Variants in RGS6 observed in about 807,000 individuals in gnomAD.
RGS6 encodes the protein regulator of G-protein signaling 6.
In RGS6, 30 loss-of-function variants were observed where a neutral mutation model predicts 78.5. The observed-to-expected ratio is 0.38, with a 90% CI of 0.29 to 0.52. The LOEUF (loss-of-function observed/expected upper bound fraction) is 0.52. Ranked by LOEUF, RGS6 falls within the 20% of genes least tolerant of loss-of-function variation. RGS6 has a pLI of 0.85. For missense variants in RGS6, 495 were observed against 609.7 expected, an observed-to-expected ratio of 0.81 and a Z score of 1.98; for synonymous variants, 206 against 206.0, an observed-to-expected ratio of 1.00 and a Z score of 0.00.
chr14:72,338,422 C>T (rs1025299778), intron 2 of RGS6, among the ~76,000 whole-genome samples: 8 of 152,134 alleles, frequency 5.3e-5, no homozygotes, highest in African/African-American at 1.9e-4. Context: ...GAGACTTATT[C>T]ACTACCATGA....
chr14:72,117,514 G>A (rs1044791023), intron 2 of RGS6, among the ~76,000 whole-genome samples: 2 of 152,078 alleles, frequency 1.3e-5, no homozygotes, highest in Non-Finnish European at 2.9e-5. Flanking sequence ...TTTGTGTACA[G>A]CCTGCAGAAC....
At chr14:72,453,602 C>T (rs927376799) in intron 3 of RGS6, among the ~76,000 whole-genome samples, 1 of 106,958 alleles carries the variant, frequency 9.3e-6, no homozygotes, top group South Asian at 3.3e-4. Flanking sequence ...GGCGACAGAG[C>T]GAGACTCCGT....
intron 2 of RGS6, among the ~76,000 whole-genome samples, chr14:72,139,662 A>G (rs2096508040): frequency 1.3e-5 from 2 of 152,204 alleles, no homozygotes; most frequent in Admixed American, 6.5e-5. Context: ...AGGTTTATTT[A>G]TATTTTTTGC....
the RGS6 span, among the ~76,000 whole-genome samples, chr14:71,872,574 G>T: frequency 2.0e-5 from 3 of 152,066 alleles, no homozygotes; most frequent in African/African-American, 7.3e-5. Context: ...AATGGAAGAG[G>T]GGGTATGTGT....
chr14:72,045,295 T>C (rs1008539312), intron 2 of RGS6, among the ~76,000 whole-genome samples: 9 of 152,218 alleles, frequency 5.9e-5, no homozygotes, highest in Admixed American at 2.6e-4. Flanking sequence ...TCTTGCCTTT[T>C]AGCATGCCTT....
intron 3 of RGS6, among the ~76,000 whole-genome samples, chr14:72,435,950 C>T (rs527722660): frequency 4.6e-5 from 7 of 152,140 alleles, no homozygotes; most frequent in African/African-American, 1.2e-4. Context: ...ACATGGACAT[C>T]GGGGGGACAT....
chr14:72,008,031 C>T (rs112474735), intron 2 of RGS6, among the ~76,000 whole-genome samples: 1 of 152,196 alleles, frequency 6.6e-6, no homozygotes, highest in African/African-American at 2.4e-5. Context: ...TGAGAGGGCA[C>T]ACTCAAGATT....
chr14:72,290,609 T>C (rs905070490), intron 2 of RGS6, among the ~76,000 whole-genome samples: 40 of 152,336 alleles, frequency 2.6e-4, no homozygotes, highest in African/African-American at 9.6e-4. Context: ...TGGGGATTGA[T>C]TTCAAGAATC....
intron 13 of RGS6, among the ~76,000 whole-genome samples, chr14:72,508,334 A>C (rs1228165098): frequency 6.6e-6 from 1 of 152,218 alleles, no homozygotes; most frequent in Non-Finnish European, 1.5e-5. Flanking sequence ...CACTAGCCAC[A>C]TGTAGCTATT....
intron 2 of RGS6, among the ~76,000 whole-genome samples, chr14:71,985,754 C>G (rs17105346): frequency 0.15 from 23,262 of 152,166 alleles, 1,930 homozygotes; most frequent in East Asian, 0.21. Context: ...CATCCTTATC[C>G]TGAGAGCTTT....
chr14:72,207,071 T>C (rs571957419), intron 2 of RGS6, among the ~76,000 whole-genome samples: 2 of 152,330 alleles, frequency 1.3e-5, no homozygotes, highest in East Asian at 3.9e-4. Context: ...TTTAAACATC[T>C]CTTAAACTCA....
intron 2 of RGS6, among the ~76,000 whole-genome samples, chr14:71,998,855 C>T (rs2082861066): frequency 6.6e-6 from 1 of 152,218 alleles, no homozygotes; most frequent in Non-Finnish European, 1.5e-5. Flanking sequence ...TGTGGTCTCT[C>T]TGCAGCCTTG....
intron 16 of RGS6, chr14:72,537,385 G>A: frequency 1.5e-6 from 1 of 677,652 alleles, no homozygotes; most frequent in South Asian, 1.6e-5. Flanking sequence ...GAGTCCTGGA[G>A]AGCATTTATA....
At chr14:72,421,651 C>G (rs2094187250) in intron 3 of RGS6, 1 of 152,242 alleles carries the variant, frequency 6.6e-6, no homozygotes, top group South Asian at 2.1e-4. Flanking sequence ...ACAGCACCGG[C>G]TTAGAAACCC....
In RGS6 at chr14:72,482,470, TA is replaced by T. The variant is rs200987670; in HGVS notation, c.854+4147del. On this transcript the variant is annotated intron_variant, in intron 12 of 17. Transcript: ENST00000553525. ...CAAAACACCCCAAAACTCAGTGGCT[TA>T]AAAAATAGGCTTTTACTATTGCTCA... Among the ~76,000 whole-genome samples, 1,142 of 152,298 alleles carry T rather than the reference TA, an allele frequency of 7.5e-3. 12 individuals carry two copies. Among genetic ancestry groups the T allele is most frequent in the African/African-American group, 0.016 (654 of 41,564 alleles).
chr14:72,275,023 G>A (rs2060472662), intron 2 of RGS6, among the ~76,000 whole-genome samples: 1 of 152,158 alleles, frequency 6.6e-6, no homozygotes, highest in Non-Finnish European at 1.5e-5. Context: ...CCACCAGAGT[G>A]AAAGTTTGTC....
At chr14:72,375,303 A>G (rs536044145) in intron 3 of RGS6, among the ~76,000 whole-genome samples, 1 of 152,374 alleles carries the variant, frequency 6.6e-6, no homozygotes, top group Admixed American at 6.5e-5. Context: ...AAGCAGGATA[A>G]AATGAAAACA....
At chr14:71,975,330 T>C (rs2153090999) in intron 2 of RGS6, among the ~76,000 whole-genome samples, 1 of 152,396 alleles carries the variant, frequency 6.6e-6, no homozygotes, top group East Asian at 1.9e-4. Context: ...GAATGTAATC[T>C]GTTTTTTCCT....
chr14:72,447,551 C>T (rs954011017), intron 3 of RGS6, among the ~76,000 whole-genome samples: 1 of 152,176 alleles, frequency 6.6e-6, no homozygotes, highest in Non-Finnish European at 1.5e-5. Context: ...ACGCAGATGA[C>T]TGGGTTAGAC....
Sources: gnomAD v4.1 joint callset for allele counts (sites outside exome capture counted in the v4.1 genomes callset) on GRCh38, gnomAD v4.1.1 for gene constraint, MANE v1.5 for transcripts, NCBI Gene and HGNC (gene_info 2026-07-23, HGNC 2026-07-21) for gene names.